AGAP1: variants seen among roughly 807,000 people sequenced by gnomAD.
AGAP1 encodes the protein arf-GAP with GTPase, ANK repeat and PH domain-containing protein 1.
In AGAP1, 29 loss-of-function variants were observed where a neutral mutation model predicts 105.3. The ratio of observed to expected loss-of-function variants is 0.28; its 90% CI spans 0.21 to 0.38. The LOEUF is 0.38. Ranked by LOEUF, AGAP1 falls within the 10% of genes least tolerant of loss-of-function variation. The probability of loss-of-function intolerance (pLI) is 1.00; values close to 1 mark genes in which losing one functional copy is unlikely to be tolerated. For synonymous variants in AGAP1, 509 were observed against 485.9 expected (o/e 1.05, Z -0.63); for missense variants, 998 against 1,165.1 (o/e 0.86, Z 2.09).
rs1286286294 is a variant in AGAP1 at position 235,622,461 on chromosome 2, C to T, written c.164-86718C>T. Among the ~76,000 whole-genome samples, 2 of 152,162 alleles carry T rather than the reference C, an allele frequency of 1.3e-5. No individual in the cohort carries two copies. The highest frequency in any genetic ancestry group is 2.9e-5 in the Non-Finnish European group (2 of 68,032). On this transcript the variant is annotated intron_variant, in intron 1 of 17. Transcript: ENST00000304032. This position sits in a 1 kb window ranked among gnomAD's most constrained non-coding sequence, Gnocchi z 5.0. The stretch of plus-strand genomic sequence containing the variant: ...TGGATCTAGACCTGGTGCCTGGACT[C>T]AATCTGCAGAGACAGGTGTCTGGGA...
Position 235,717,617 on chromosome 2 carries a change from A to T in AGAP1, c.283A>T (p.Thr95Ser). The T allele has an allele frequency of 6.2e-7, 1 of 1,605,216 alleles. No individual in the cohort carries two copies. The highest frequency in any genetic ancestry group is 2.2e-5 in the East Asian group (1 of 44,484). The stretch of plus-strand genomic sequence containing the variant: ...CCTGGTGCACCGGTACCTGACGGGC[A>T]CATATGTCCAGGAGGAGTCTCCGGA... ...SALVHRYLTG[T>S]YVQEESPEGG... The change falls in exon 3 of 18, where the codon ACA (threonine) becomes TCA (serine). Residue 95 changes from threonine (T) to serine (S), a missense_variant. Around this residue, in one of 3 missense-constraint regions of AGAP1, gnomAD observed 735 missense variants for 833.4 expected, o/e 0.88. Coordinates refer to ENST00000304032, the MANE Select transcript of AGAP1 (RefSeq NM_001037131.3).
rs2125336892 is a variant in AGAP1 at position 235,967,054 on chromosome 2, T to TC, written c.1484-1402dup. On this transcript the variant is annotated intron_variant, in intron 12 of 17. Transcript: ENST00000304032. The surrounding 1 kb of genome is among the most constrained non-coding windows in gnomAD (Gnocchi z 4.7). ...CTCAGAACCCTGCATGGCTCCCCAT[T>TC]CCCCCCAAAGCACAGGCGAGGGTCC... 6.6e-6 allele frequency among the ~76,000 whole-genome samples: 1 copy of TC among 151,894 alleles called. No individual in the cohort carries two copies.
intron 1 of AGAP1, among the ~76,000 whole-genome samples, chr2:235,618,085 G>A (rs1456186569): frequency 6.6e-6 from 1 of 151,964 alleles, no homozygotes; most frequent in Non-Finnish European, 1.5e-5. Context: ...GTATGTGATC[G>A]CACACATTTT....
intron 3 of AGAP1, among the ~76,000 whole-genome samples, chr2:235,726,496 CATTTACCTGTTTATTGCGGATT>C (rs1424512821): frequency 2.6e-5 from 4 of 152,162 alleles, no homozygotes; most frequent in African/African-American, 9.7e-5. Flanking sequence ...GCTGTGGGTG[CATTTACCTGTTTATTGCGGATT>C]AACAGAGCCA....
rs145052083 is a variant in AGAP1, at chr2:235,750,219, C to T, written c.539-135C>T. On this transcript the variant is annotated intron_variant, in intron 5 of 17. Transcript: ENST00000304032. The surrounding 1 kb of genome is among the most constrained non-coding windows in gnomAD (Gnocchi z 5.3). ...TCTCTTAGTTGGGAGGCAAACGATG[C>T]TCTACAATTCCAGATTCATAAACTA... 42 of 1,274,956 alleles carry T rather than the reference C, an allele frequency of 3.3e-5. 1 individual carries two copies. The highest frequency in any genetic ancestry group is 3.9e-4 in the Middle Eastern group (2 of 5,158). The allele number at this position is 1,274,956 out of a possible 1,614,324, so 79.0% of individuals were successfully genotyped here.
rs1361637413 is a variant in AGAP1 at position 235,891,798 on chromosome 2, G to A, written c.1155+8349G>A. The stretch of plus-strand genomic sequence containing the variant: ...TTCCTCAGGAGGTCGTTTGGCAGCT[G>A]TGAAACTCCTCCCCTCCGGGCCATA... On this transcript the variant is annotated intron_variant, in intron 10 of 17. Transcript: ENST00000304032. This position sits in a 1 kb window ranked among gnomAD's most constrained non-coding sequence, Gnocchi z 4.2. 1.3e-5 allele frequency among the ~76,000 whole-genome samples: 2 copies of A among 152,090 alleles called. No homozygotes were observed. Among genetic ancestry groups the A allele is most frequent in the African/African-American group, 4.8e-5 (2 of 41,402 alleles).
At chr2:235,668,265 A>G (rs1417390562) in intron 1 of AGAP1, among the ~76,000 whole-genome samples, 1 of 152,224 alleles carries the variant, frequency 6.6e-6, no homozygotes, top group Non-Finnish European at 1.5e-5. Context: ...ATGCTGTCAT[A>G]AAATCTAGAT....
rs929947745 is a variant in AGAP1, at chr2:235,625,888, A to G, written c.164-83291A>G. ...GACAACATGTGACCAAGTATTAAAA[A>G]TGTTCTCACATTTATTCTTGAAATT... On this transcript the variant is annotated intron_variant, in intron 1 of 17. Transcript: ENST00000304032. The surrounding 1 kb of genome is among the most constrained non-coding windows in gnomAD (Gnocchi z 4.0). 3.3e-5 allele frequency among the ~76,000 whole-genome samples: 5 copies of G among 152,270 alleles called. No individual in the cohort carries two copies. The highest frequency in any genetic ancestry group is 7.2e-5 in the African/African-American group (3 of 41,468).
rs1018194902 is a variant in AGAP1, at chr2:235,737,675, A to T, written c.311-3288A>T. On this transcript the variant is annotated intron_variant, in intron 3 of 17. Transcript: ENST00000304032. The surrounding 1 kb of genome is among the most constrained non-coding windows in gnomAD (Gnocchi z 4.5). Reference sequence around the variant, plus strand: ...TATGCATGCTCACCTGACATGCAACAGGGAGGGTCATCTGCCAGGGCGTCA... The same window carrying T: ...TATGCATGCTCACCTGACATGCAACTGGGAGGGTCATCTGCCAGGGCGTCA... 6.6e-6 allele frequency among the ~76,000 whole-genome samples: 1 copy of T among 152,180 alleles called. No individual in the cohort carries two copies. The highest frequency in any genetic ancestry group is 2.4e-5 in the African/African-American group (1 of 41,438).
intron 6 of AGAP1, among the ~76,000 whole-genome samples, chr2:235,767,802 T>TG (rs1955094753): frequency 9.1e-6 from 1 of 109,806 alleles, no homozygotes; most frequent in Non-Finnish European, 2.0e-5. Context: ...TTTTTTTTTT[T>TG]GAGACACAGT....
Position 236,131,774 on chromosome 2 carries a change from A to G in AGAP1, c.*7652A>G, listed in dbSNP as rs1182296490. On this transcript the variant is annotated 3_prime_UTR_variant, in exon 18 of 18. Coordinates refer to ENST00000304032, the MANE Select transcript of AGAP1 (RefSeq NM_001037131.3). The surrounding 1 kb of genome is among the most constrained non-coding windows in gnomAD (Gnocchi z 5.9). ...ATGGTGTAGAGACCTCTTTCTAATA[A>G]AGAAATGAAAATATGTCTACACCGC... 2 of 152,044 alleles carry G rather than the reference A, an allele frequency of 1.3e-5. No homozygotes were observed. The highest frequency in any genetic ancestry group is 2.9e-5 in the Non-Finnish European group (2 of 68,002). 9.4% of individuals were successfully genotyped at this position (152,044 alleles called of 1,614,324 possible).
In AGAP1 at chr2:235,659,548, G is replaced by C. The variant is rs959129243; in HGVS notation, c.164-49631G>C. Among the ~76,000 whole-genome samples, 3 of 152,164 alleles carry C rather than the reference G, an allele frequency of 2.0e-5. No homozygotes were observed. The highest frequency in any genetic ancestry group is 7.2e-5 in the African/African-American group (3 of 41,436). On this transcript the variant is annotated intron_variant, in intron 1 of 17. Coordinates refer to ENST00000304032, the MANE Select transcript of AGAP1 (RefSeq NM_001037131.3). This position sits in a 1 kb window ranked among gnomAD's most constrained non-coding sequence, Gnocchi z 5.0. ...TGTGGGTCACTTGCCAGGCGTCAGT[G>C]CCCTGCTCGGGGTCCCTTTGCAGCT...
chr2:236,001,016 C>T lies in AGAP1; in HGVS notation c.1645+32393C>T, dbSNP rs576519762. Among the ~76,000 whole-genome samples, 20 of 152,296 alleles carry T rather than the reference C, an allele frequency of 1.3e-4. No individual in the cohort carries two copies. The highest frequency in any genetic ancestry group is 1.6e-4 in the Non-Finnish European group (11 of 68,022). ...TCCAGAAAGAGATGAGTTGTCCTAA[C>T]CCCCACTACCTCAGAATGTGGCCTC... is the stretch of plus-strand genomic sequence containing the variant. On this transcript the variant is annotated intron_variant, in intron 13 of 17. Transcript: ENST00000304032. The surrounding 1 kb of genome is among the most constrained non-coding windows in gnomAD (Gnocchi z 4.7).
In AGAP1 at chr2:235,988,875, G is replaced by A. The variant is rs1200097521; in HGVS notation, c.1645+20252G>A. Among the ~76,000 whole-genome samples, 1 of 152,124 alleles carries A rather than the reference G, an allele frequency of 6.6e-6. No homozygotes were observed. Among genetic ancestry groups the A allele is most frequent in the Admixed American group, 6.5e-5 (1 of 15,278 alleles). Reference sequence around the variant, plus strand: ...CTCTCATCACTCACATGGTCCCCCAGCAGGTAACTTGCTTCAGCGCCACTT... The same window carrying A: ...CTCTCATCACTCACATGGTCCCCCAACAGGTAACTTGCTTCAGCGCCACTT... On this transcript the variant is annotated intron_variant, in intron 13 of 17. Coordinates refer to ENST00000304032, the MANE Select transcript of AGAP1 (RefSeq NM_001037131.3). This position sits in a 1 kb window ranked among gnomAD's most constrained non-coding sequence, Gnocchi z 4.7.
chr2:235,516,699 A>G (rs1325352455), intron 1 of AGAP1, among the ~76,000 whole-genome samples: 1 of 152,118 alleles, frequency 6.6e-6, no homozygotes, highest in African/African-American at 2.4e-5. Context: ...CCCTGGGACA[A>G]ATGCCTGTGG....
chr2:235,519,159 A>G (rs1942520090), intron 1 of AGAP1, among the ~76,000 whole-genome samples: 1 of 152,034 alleles, frequency 6.6e-6, no homozygotes, highest in Admixed American at 6.6e-5. Context: ...CATAACCTCA[A>G]ACTCCTGGGC....
At position 235,829,318 on chromosome 2, in the gene AGAP1, C is replaced by T. The variant is rs542590021; in HGVS notation, c.1050+21987C>T. 4.6e-5 allele frequency among the ~76,000 whole-genome samples: 7 copies of T among 152,364 alleles called. No homozygotes were observed. The South Asian group carries it at 1.4e-3, about 32-fold the overall frequency. On this transcript the variant is annotated intron_variant, in intron 9 of 17. Transcript: ENST00000304032. Reference sequence around the variant, plus strand: ...ACTTTCGTCATCAAGGATTCATTTTCTTTATGTCCGTAATGTGATGGGGCA... The same window carrying T: ...ACTTTCGTCATCAAGGATTCATTTTTTTTATGTCCGTAATGTGATGGGGCA...
At chr2:235,849,481 T>TC (rs1553649002) in intron 9 of AGAP1, among the ~76,000 whole-genome samples, 39 of 151,988 alleles carry the variant, frequency 2.6e-4, no homozygotes, top group Non-Finnish European at 4.0e-4. Context: ...GGCAGTGACC[T>TC]CTCCTGCAGT....
chr2:235,830,573 T>C lies in AGAP1; in HGVS notation c.1050+23242T>C, dbSNP rs902712437. 1.3e-5 allele frequency among the ~76,000 whole-genome samples: 2 copies of C among 151,096 alleles called. No individual in the cohort carries two copies. The highest frequency in any genetic ancestry group is 4.9e-5 in the African/African-American group (2 of 41,058). ...TTCAGAAGTGTTGCATGCTGAGCAC[T>C]CTTTGTGAGATACTTTGGGGGCTCA... is the stretch of plus-strand genomic sequence containing the variant. On this transcript the variant is annotated intron_variant, in intron 9 of 17. Coordinates refer to ENST00000304032, the MANE Select transcript of AGAP1 (RefSeq NM_001037131.3). The surrounding 1 kb of genome is among the most constrained non-coding windows in gnomAD (Gnocchi z 5.5).
Sources: allele counts gnomAD v4.1 joint callset (sites outside exome capture counted in the v4.1 genomes callset), GRCh38; gene constraint gnomAD v4.1.1; regional missense constraint gnomAD v4.1.1; non-coding constraint Gnocchi (gnomAD v3.1); transcripts MANE v1.5; gene names NCBI Gene and HGNC (gene_info 2026-07-23, HGNC 2026-07-21).